Variants in C1orf21 observed in about 807,000 individuals in gnomAD.
The protein encoded by C1orf21 is uncharacterized protein C1orf21.
Under a neutral mutation model 18.7 loss-of-function variants are expected in C1orf21, and 3 were observed. The ratio of observed to expected loss-of-function variants is 0.16; its 90% CI spans 0.07 to 0.42. The LOEUF (loss-of-function observed/expected upper bound fraction) is 0.42. Among genes scored for constraint, C1orf21 ranks in the 10% least tolerant of loss-of-function variants. The pLI, the probability that C1orf21 is intolerant of heterozygous loss-of-function variation, is 0.99. For missense variants in C1orf21, 104 were observed against 143.6 expected (o/e 0.72, Z 1.41); for synonymous variants, 41 against 46.4 (o/e 0.88, Z 0.47).
intron 1 of C1orf21, among the ~76,000 whole-genome samples, chr1:184,458,332 C>A (rs2101982585): frequency 6.6e-6 from 1 of 152,266 alleles, no homozygotes; most frequent in East Asian, 1.9e-4. Flanking sequence ...TGTTTATCTT[C>A]TGCAGTATTT....
intron 3 of C1orf21, among the ~76,000 whole-genome samples, chr1:184,560,337 GA>G (rs1489744689): frequency 1.3e-5 from 2 of 152,066 alleles, no homozygotes; most frequent in African/African-American, 2.4e-5. Flanking sequence ...AGAAACCAAA[GA>G]AAAGGCACCG....
chr1:184,523,317 ATGTGC>A (rs1302131070), intron 3 of C1orf21, among the ~76,000 whole-genome samples: 1 of 152,162 alleles, frequency 6.6e-6, no homozygotes, highest in Non-Finnish European at 1.5e-5. Flanking sequence ...TGTATCCTTG[ATGTGC>A]TGTGATGAGA....
intron 2 of C1orf21, among the ~76,000 whole-genome samples, chr1:184,482,712 A>G (rs1268148344): frequency 6.6e-6 from 1 of 152,208 alleles, no homozygotes. Flanking sequence ...GATGGCTCTG[A>G]AGTATGTGTC....
intron 4 of C1orf21, among the ~76,000 whole-genome samples, chr1:184,593,615 G>A (rs79146624): frequency 0.066 from 9,469 of 144,222 alleles, 426 homozygotes; most frequent in African/African-American, 0.13. Context: ...CTCAGAGAGA[G>A]ATTGAAGTGA....
intron 5 of C1orf21, among the ~76,000 whole-genome samples, chr1:184,599,835 C>T (rs566874112): frequency 5.3e-5 from 8 of 152,234 alleles, no homozygotes; most frequent in Non-Finnish European, 1.0e-4. Flanking sequence ...ACATGATGCT[C>T]GAGCATTTTC....
At chr1:184,506,391 A>C (rs1658062332) in intron 2 of C1orf21, among the ~76,000 whole-genome samples, 1 of 152,210 alleles carries the variant, frequency 6.6e-6, no homozygotes, top group South Asian at 2.1e-4. Context: ...GAAACCTGAA[A>C]CTATATTAGA....
intron 3 of C1orf21, among the ~76,000 whole-genome samples, chr1:184,562,735 T>C (rs138361176): frequency 1.3e-5 from 2 of 152,380 alleles, no homozygotes; most frequent in East Asian, 3.8e-4. Context: ...TGATCATCTT[T>C]ATTCATTCAA....
chr1:184,511,923 A>G (rs1330601430), intron 3 of C1orf21, among the ~76,000 whole-genome samples: 1 of 152,136 alleles, frequency 6.6e-6, no homozygotes, highest in South Asian at 2.1e-4. Context: ...TGATCTAATC[A>G]CCTACCATGA....
chr1:184,474,246 A>G (rs1657537708), intron 1 of C1orf21, among the ~76,000 whole-genome samples: 1 of 152,194 alleles, frequency 6.6e-6, no homozygotes, highest in South Asian at 2.1e-4. Context: ...ACCTATTTAT[A>G]ATTTGGTGAG....
chr1:184,608,309 A>T lies in C1orf21; in HGVS notation c.327+9848A>T, dbSNP rs566075804. Among the ~76,000 whole-genome samples the T allele has an allele frequency of 6.0e-4, 91 of 152,376 alleles. 1 individual carries two copies. Among genetic ancestry groups the T allele is most frequent in the African/African-American group, 2.1e-3 (87 of 41,586 alleles). On this transcript the variant is annotated intron_variant, in intron 5 of 5. Transcript: ENST00000235307. ...TGTGTTTTTTGACAAAGTGTCAAAT[A>T]GAAAAAACAAAGATTACACAGTGGT...
At chr1:184,433,724 AT>A (rs1656812619) in intron 1 of C1orf21, among the ~76,000 whole-genome samples, 1 of 152,154 alleles carries the variant, frequency 6.6e-6, no homozygotes, top group Non-Finnish European at 1.5e-5. Context: ...CACTCGTCAT[AT>A]TTCATGTGCT....
Position 184,621,654 on chromosome 1 carries a change from C to T in C1orf21, c.*2098C>T, listed in dbSNP as rs933730190. ...TCTCAGACAGTGTCTTCCCAGAAAACCACCACCCTCTACCCAAAGATGAAA... is the reference window on the plus strand; with the variant it reads ...TCTCAGACAGTGTCTTCCCAGAAAATCACCACCCTCTACCCAAAGATGAAA... On this transcript the variant is annotated 3_prime_UTR_variant, in exon 6 of 6. Transcript: ENST00000235307. 3 of 152,228 alleles carry T rather than the reference C, an allele frequency of 2.0e-5. No homozygotes were observed. The highest frequency in any genetic ancestry group is 6.5e-5 in the Admixed American group (1 of 15,280). The allele number at this position is 152,228 out of a possible 1,614,324, so 9.4% of individuals were successfully genotyped here.
At chr1:184,399,488 G>A (rs1656115362) in intron 1 of C1orf21, among the ~76,000 whole-genome samples, 2 of 150,848 alleles carry the variant, frequency 1.3e-5, no homozygotes, top group Non-Finnish European at 2.9e-5. Context: ...TCAGCCTGTC[G>A]AGTAGCTGGG....
chr1:184,412,831 T>G (rs73063508), intron 1 of C1orf21, among the ~76,000 whole-genome samples: 14,708 of 152,040 alleles, frequency 0.097, 1,396 homozygotes, highest in African/African-American at 0.24. Context: ...AAAAATTCAG[T>G]TATAAGAAAA....
chr1:184,465,394 T>C (rs893652087), intron 1 of C1orf21, among the ~76,000 whole-genome samples: 1 of 152,084 alleles, frequency 6.6e-6, no homozygotes, highest in African/African-American at 2.4e-5. Context: ...AAAAAACAAA[T>C]AAAAATCTGG....
intron 3 of C1orf21, among the ~76,000 whole-genome samples, chr1:184,558,180 T>C (rs1387215964): frequency 2.6e-5 from 4 of 152,242 alleles, no homozygotes; most frequent in Non-Finnish European, 1.5e-5. Context: ...GCCAGTACAG[T>C]AGAAGTCACC....
chr1:184,526,423 C>T (rs1284960478), intron 3 of C1orf21, among the ~76,000 whole-genome samples: 1 of 152,158 alleles, frequency 6.6e-6, no homozygotes, highest in Non-Finnish European at 1.5e-5. Flanking sequence ...AAGCATCCTC[C>T]CATCCCCAGC....
intron 1 of C1orf21, 115 bp from the exon 2 acceptor site, chr1:184,477,271 T>C (rs1657584667): frequency 2.4e-6 from 1 of 413,982 alleles, no homozygotes; most frequent in South Asian, 4.1e-5. Flanking sequence ...ACCAGTGCGA[T>C]GGGTGGGTCT....
intron 1 of C1orf21, among the ~76,000 whole-genome samples, chr1:184,457,742 A>T (rs1657243250): frequency 6.6e-6 from 1 of 152,192 alleles, no homozygotes; most frequent in Non-Finnish European, 1.5e-5. Context: ...GGGCTGTAAC[A>T]TAAATAAAGA....
Sources: gnomAD v4.1 joint callset for allele counts (sites outside exome capture counted in the v4.1 genomes callset) on GRCh38, gnomAD v4.1.1 for gene constraint, MANE v1.5 for transcripts, NCBI Gene and HGNC (gene_info 2026-07-23, HGNC 2026-07-21) for gene names.